IL1R1: variants seen among roughly 807,000 people sequenced by gnomAD.
IL1R1 encodes the protein interleukin 1 receptor type 1.
In IL1R1, 22 loss-of-function variants were observed where a neutral mutation model predicts 50.2. The ratio of observed to expected loss-of-function variants is 0.44; its 90% CI spans 0.31 to 0.63. The LOEUF is 0.63. Among genes scored for constraint, IL1R1 ranks in the 20% least tolerant of loss-of-function variants. IL1R1 has a pLI of 0.07. For synonymous variants in IL1R1, 251 were observed against 236.7 expected (o/e 1.06, Z -0.55); for missense variants, 509 against 676.2 (o/e 0.75, Z 2.74).
At chr2:102,118,973 G>T (rs557261472) in intron 1 of IL1R1, among the ~76,000 whole-genome samples, 1 of 134,474 alleles carries the variant, frequency 7.4e-6, no homozygotes, top group Non-Finnish European at 1.5e-5. Context: ...AGCCGAGATC[G>T]CTCCACTGCT....
intron 6 of IL1R1, among the ~76,000 whole-genome samples, chr2:102,167,551 C>A (rs1685300472): frequency 6.8e-6 from 1 of 147,244 alleles, no homozygotes; most frequent in Non-Finnish European, 1.5e-5. Context: ...GGGTTCATGC[C>A]ATTCTTCTGC....
At chr2:102,080,679 G>T (rs562787280) in intron 1 of IL1R1, among the ~76,000 whole-genome samples, 16 of 152,310 alleles carry the variant, frequency 1.1e-4, no homozygotes, top group Admixed American at 6.5e-4. Context: ...GTTCAACATA[G>T]AGTTGCCATA....
At chr2:102,125,427 T>C (rs1334045170) in intron 1 of IL1R1, among the ~76,000 whole-genome samples, 1 of 152,238 alleles carries the variant, frequency 6.6e-6, no homozygotes, top group East Asian at 1.9e-4. Flanking sequence ...CTTATTATTG[T>C]TTCATGGACT....
chr2:102,078,600 A>ACACACACG (rs57113618), intron 1 of IL1R1, among the ~76,000 whole-genome samples: 1 of 146,508 alleles, frequency 6.8e-6, no homozygotes, highest in Non-Finnish European at 1.5e-5. Context: ...ACACACACAC[A>ACACACACG]AGAAAAAAAA....
rs556097816 is a variant in IL1R1 at position 102,153,050 on chromosome 2, G to A, written c.-83-891G>A. 6.9e-4 allele frequency among the ~76,000 whole-genome samples: 105 copies of A among 152,284 alleles called. 1 individual carries two copies. Among genetic ancestry groups the A allele is most frequent in the Non-Finnish European group, 7.9e-4 (54 of 68,022 alleles). On this transcript the variant is annotated intron_variant, in intron 1 of 11. Coordinates refer to ENST00000410023, the MANE Select transcript of IL1R1 (RefSeq NM_000877.4). ...CTGCAAAAACAGGTGAATTAATGGT[G>A]AAAGATCTGTAGGACATAGCAGTAA...
intron 2 of IL1R1, among the ~76,000 whole-genome samples, chr2:102,156,399 G>A (rs1031429629): frequency 1.3e-5 from 2 of 152,286 alleles, no homozygotes; most frequent in South Asian, 4.1e-4. Flanking sequence ...TCTTTGTCCT[G>A]ATACTGGGGA....
chr2:102,099,081 C>T (rs567066762), intron 1 of IL1R1, among the ~76,000 whole-genome samples: 1 of 152,184 alleles, frequency 6.6e-6, no homozygotes, highest in African/African-American at 2.4e-5. Flanking sequence ...AGGCACCGCG[C>T]CCAAAGTTCA....
At chr2:102,166,617 G>C (rs1013614827) in intron 6 of IL1R1, among the ~76,000 whole-genome samples, 4 of 152,166 alleles carry the variant, frequency 2.6e-5, no homozygotes, top group Non-Finnish European at 5.9e-5. Flanking sequence ...CTGAGAGCCT[G>C]CACCTGGGGA....
intron 1 of IL1R1, among the ~76,000 whole-genome samples, chr2:102,089,922 C>T (rs924933189): frequency 6.6e-6 from 1 of 150,926 alleles, no homozygotes; most frequent in African/African-American, 2.4e-5. Context: ...CAAGCTCCAC[C>T]TCCCGGGTTC....
At chr2:102,107,164 T>C (rs1363708476) in intron 1 of IL1R1, among the ~76,000 whole-genome samples, 3 of 152,180 alleles carry the variant, frequency 2.0e-5, no homozygotes, top group African/African-American at 7.2e-5. Flanking sequence ...TTATAATTTT[T>C]TGAAAAGTGT....
chr2:102,083,959 G>C (rs1356118187), intron 1 of IL1R1, among the ~76,000 whole-genome samples: 3 of 151,480 alleles, frequency 2.0e-5, no homozygotes, highest in Non-Finnish European at 4.4e-5. Flanking sequence ...AAAAAAAGTG[G>C]AAATAGCAAT....
intron 1 of IL1R1, among the ~76,000 whole-genome samples, chr2:102,091,492 G>A (rs1465498491): frequency 6.6e-6 from 1 of 152,124 alleles, no homozygotes; most frequent in Non-Finnish European, 1.5e-5. Context: ...TCTTCTTTCT[G>A]AAAATTATAC....
At chr2:102,175,407 T>C in intron 10 of IL1R1, 71 bp from the exon 11 acceptor site, 1 of 1,186,386 alleles carries the variant, frequency 8.4e-7, no homozygotes, top group Non-Finnish European at 1.3e-6. Context: ...TAATGAATGT[T>C]TGTGATACTG....
At chr2:102,098,685 G>A (rs1181121042) in intron 1 of IL1R1, among the ~76,000 whole-genome samples, 1 of 152,134 alleles carries the variant, frequency 6.6e-6, no homozygotes, top group African/African-American at 2.4e-5. Flanking sequence ...AAAGATGTAT[G>A]TACATAGGAA....
At chr2:102,173,229 T>A (rs1685841268) in intron 9 of IL1R1, among the ~76,000 whole-genome samples, 1 of 152,238 alleles carries the variant, frequency 6.6e-6, no homozygotes, top group African/African-American at 2.4e-5. Flanking sequence ...GGGTACCCAA[T>A]GAACTACATT....
At chr2:102,091,094 A>G (rs536396037) in intron 1 of IL1R1, among the ~76,000 whole-genome samples, 2 of 152,326 alleles carry the variant, frequency 1.3e-5, no homozygotes, top group South Asian at 2.1e-4. Context: ...CTGTTGCCTT[A>G]GTTCCAAAAA....
intron 1 of IL1R1, among the ~76,000 whole-genome samples, chr2:102,131,376 A>G (rs1682020379): frequency 6.6e-6 from 1 of 152,234 alleles, no homozygotes; most frequent in African/African-American, 2.4e-5. Context: ...TAAGGATGAT[A>G]ATAATGCAGA....
chr2:102,142,285 A>C (rs1682706722), upstream of IL1R1: 1 of 152,136 alleles, frequency 6.6e-6, no homozygotes, highest in African/African-American at 2.4e-5. Flanking sequence ...CGGAGGTACA[A>C]AGAAATTAGT....
chr2:102,174,925 C>T (rs893610054), intron 10 of IL1R1, among the ~76,000 whole-genome samples, 195 bp downstream of exon 10: 4 of 152,082 alleles, frequency 2.6e-5, no homozygotes, highest in Admixed American at 2.0e-4. Flanking sequence ...TTCTAAGTTC[C>T]TGCCTCAACA....
Sources: allele counts gnomAD v4.1 joint callset (sites outside exome capture counted in the v4.1 genomes callset), GRCh38; gene constraint gnomAD v4.1.1; transcripts MANE v1.5; gene names NCBI Gene and HGNC (gene_info 2026-07-23, HGNC 2026-07-21).